Variants in SLC5A10 observed in about 807,000 individuals in gnomAD.
The protein encoded by SLC5A10 is solute carrier family 5 member 10, also known as sodium/mannose cotransporter SLC5A10.
SLC5A10 carries 55 observed loss-of-function variants against 68.9 expected under a neutral mutation model. The observed-to-expected ratio is 0.80, with a 90% CI of 0.64 to 1.00. The LOEUF (loss-of-function observed/expected upper bound fraction) is 1.00, where lower values mean the gene tolerates loss of function less well. SLC5A10 is among the 50% of genes least tolerant of loss of function. The probability of loss-of-function intolerance (pLI) is 0.00; values close to 1 mark genes in which losing one functional copy is unlikely to be tolerated. For synonymous variants in SLC5A10, 344 were observed against 344.8 expected (o/e 1.00, Z 0.02); for missense variants, 732 against 819.3 (o/e 0.89, Z 1.30).
chr17:19,019,365 G>C (rs1325622537), intron 11 of SLC5A10, 58 bp from the exon 12 acceptor site: 2 of 1,562,798 alleles, frequency 1.3e-6, no homozygotes, highest in Non-Finnish European at 1.7e-6. Context: ...CAGGGGAGGT[G>C]GGAGAGAGCT....
intron 13 of SLC5A10, 95 bp downstream of exon 13, chr17:19,020,023 C>T (rs1330994219): frequency 7.0e-7 from 1 of 1,433,854 alleles, no homozygotes; most frequent in South Asian, 1.2e-5. Flanking sequence ...AATTTTCTAG[C>T]CCTGGACTAC....
intron 11 of SLC5A10, chr17:19,019,038 T>G: frequency 4.0e-5 from 8 of 199,538 alleles, no homozygotes; most frequent in East Asian, 1.4e-4. Flanking sequence ...GGTGCTTCCA[T>G]TGGGAGGGGA....
Position 18,976,717 on chromosome 17 carries a change from G to A in SLC5A10, c.847-137G>A, listed in dbSNP as rs978219876. 18 of 1,160,046 alleles carry A rather than the reference G, an allele frequency of 1.6e-5. No homozygotes were observed. The Admixed American group carries it at 4.1e-4, about 26-fold the overall frequency. 71.9% of individuals were successfully genotyped at this position (1,160,046 alleles called of 1,614,324 possible). ...CCCTGACAGTATTGGGGCTTTGAGT[G>A]TGGCTGTTTTGGGCAGGTCAGAGGC... is the stretch of plus-strand genomic sequence containing the variant. On this transcript the variant is annotated intron_variant, in intron 8 of 14. Coordinates refer to ENST00000395645, the MANE Select transcript of SLC5A10 (RefSeq NM_001042450.4).
chr17:18,993,013 G>A (rs1027066790), intron 9 of SLC5A10, among the ~76,000 whole-genome samples: 9 of 152,238 alleles, frequency 5.9e-5, no homozygotes, highest in African/African-American at 2.2e-4. Context: ...GCCCTCGCAG[G>A]ACGAGTAGGT....
In SLC5A10 at chr17:18,977,729, C is replaced by A. The variant is rs758772623; in HGVS notation, c.982+740C>A. 2.5e-6 allele frequency: 4 copies of A among 1,607,548 alleles called. No homozygotes were observed. Among genetic ancestry groups the A allele is most frequent in the Non-Finnish European group, 3.4e-6 (4 of 1,177,814 alleles). On this transcript the variant is annotated intron_variant, in intron 9 of 14. Transcript: ENST00000395645. Reference sequence around the variant, plus strand: ...TATATGGGGGGCACTCAGCTGCCGGCGCGGTGGTGGGGTTGGCCCGTTGGC... The same window carrying A: ...TATATGGGGGGCACTCAGCTGCCGGAGCGGTGGTGGGGTTGGCCCGTTGGC...
In SLC5A10 at chr17:19,003,511, C is replaced by T. The variant is rs763070393; in HGVS notation, c.983-9899C>T. 6.6e-7 allele frequency: 1 copy of T among 1,521,410 alleles called. No homozygotes were observed. The highest frequency in any genetic ancestry group is 2.3e-5 in the East Asian group (1 of 43,668). The allele number at this position is 1,521,410 out of a possible 1,614,324, so 94.2% of individuals were successfully genotyped here. On this transcript the variant is annotated intron_variant, in intron 9 of 14. Transcript: ENST00000395645. This position sits in a 1 kb window ranked among gnomAD's most constrained non-coding sequence, Gnocchi z 4.5. Reference sequence around the variant, plus strand: ...GGCCATGGCTCCAGGAGTCCCCGCGCTGCCTCACCTTCTGTGCCTGGCTGA... The same window carrying T: ...GGCCATGGCTCCAGGAGTCCCCGCGTTGCCTCACCTTCTGTGCCTGGCTGA...
intron 9 of SLC5A10, chr17:18,978,737 A>G: frequency 6.2e-7 from 1 of 1,612,960 alleles, no homozygotes; most frequent in Non-Finnish European, 8.5e-7. Flanking sequence ...CTTGAGGCTC[A>G]CACTGTGTGA....
rs895711533 is a variant in SLC5A10 at position 18,971,840 on chromosome 17, G to A, written c.846+622G>A. On this transcript the variant is annotated intron_variant, in intron 8 of 14. Transcript: ENST00000395645. This position sits in a 1 kb window ranked among gnomAD's most constrained non-coding sequence, Gnocchi z 5.5. ...TGCTCAGGCACACAGGAGCCGGCAGGCCCGGGTTCGCCTCCTGGCTCTGCC... is the reference window on the plus strand; with the variant it reads ...TGCTCAGGCACACAGGAGCCGGCAGACCCGGGTTCGCCTCCTGGCTCTGCC... 3.0e-5 allele frequency: 42 copies of A among 1,381,842 alleles called. No individual in the cohort carries two copies. The Admixed American group carries it at 1.1e-3, about 35-fold the overall frequency. The allele number at this position is 1,381,842 out of a possible 1,614,324, so 85.6% of individuals were successfully genotyped here.
rs751551122 is a variant in SLC5A10 at position 19,019,505 on chromosome 17, T to C, written c.1324T>C (p.Tyr442His). 2.5e-6 allele frequency: 4 copies of C among 1,612,582 alleles called. No homozygotes were observed. The Admixed American group carries it at 6.7e-5, about 27-fold the overall frequency. The change falls in exon 12 of 15, where the codon TAC becomes CAC. Residue 442 changes from tyrosine (Y) to histidine (H), a missense_variant. Physicochemically the swap from Tyr to His is moderately conservative, Grantham distance 83. Transcript: ENST00000395645. ...CTCCAACAGCGGGCAACTCTTCATC[T>C]ACATGCAGTCAGTGACCAGCTCCCT... The part of the protein sequence containing the change: ...QDSNSGQLFI[Y>H]MQSVTSSLAP...
Position 19,015,083 on chromosome 17 carries a change from G to T in SLC5A10, c.1125G>T (p.Ala375=), listed in dbSNP as rs2074279. The T allele has an allele frequency of 6.2e-7, 1 of 1,613,814 alleles. No homozygotes were observed. Among genetic ancestry groups the T allele is most frequent in the Admixed American group, 1.7e-5 (1 of 60,008 alleles). Residue 375 remains alanine (A), a synonymous_variant, in exon 11 of 15, where the codon GCG becomes GCT. Transcript: ENST00000395645. Reference sequence around the variant, plus strand: ...GGCTGATGATCGCAGTGATGCTGGCGGCGCTCATGTCGTCGCTGACCTCCA... The same window carrying T: ...GGCTGATGATCGCAGTGATGCTGGCTGCGCTCATGTCGTCGCTGACCTCCA... The part of the protein sequence containing the change: ...LRGLMIAVML[A]ALMSSLTSIF...
chr17:19,021,876 T>C lies in SLC5A10; in HGVS notation c.*1445T>C, dbSNP rs530187066. 91 of 1,362,432 alleles carry C rather than the reference T, an allele frequency of 6.7e-5. 1 individual carries two copies. The Admixed American group carries it at 8.9e-4, about 13-fold the overall frequency. 84.4% of individuals were successfully genotyped at this position (1,362,432 alleles called of 1,614,324 possible). A position where few individuals can be genotyped will look rare whatever the true frequency, so the allele number is the denominator to read the frequency against. ...CCGTCCACTGAGCCCCGTGTGACTC[T>C]GACAGAGCTGGGGGTGTCCATGTCC... On this transcript the variant is annotated 3_prime_UTR_variant, in exon 15 of 15. Coordinates refer to ENST00000395645, the MANE Select transcript of SLC5A10 (RefSeq NM_001042450.4). The surrounding 1 kb of genome is among the most constrained non-coding windows in gnomAD (Gnocchi z 4.1).
chr17:19,006,684 C>T (rs764206725), intron 9 of SLC5A10, among the ~76,000 whole-genome samples: 9 of 152,306 alleles, frequency 5.9e-5, no homozygotes, highest in Admixed American at 1.3e-4. Flanking sequence ...CCCCACACCT[C>T]CCCCGACCAC....
At chr17:18,979,468 C>A in intron 9 of SLC5A10, 1 of 1,539,126 alleles carries the variant, frequency 6.5e-7, no homozygotes, top group Admixed American at 1.9e-5. Context: ...ACCGGAATAA[C>A]CAGGGTTAGG....
chr17:19,005,912 G>A (rs528978669), intron 9 of SLC5A10, among the ~76,000 whole-genome samples: 1 of 152,174 alleles, frequency 6.6e-6, no homozygotes, highest in Non-Finnish European at 1.5e-5. Context: ...TGATCCCAGC[G>A]GGGGAGCCCT....
At chr17:18,989,010 G>T (rs532980845) in intron 9 of SLC5A10, among the ~76,000 whole-genome samples, 2 of 152,194 alleles carry the variant, frequency 1.3e-5, no homozygotes, top group African/African-American at 2.4e-5. Flanking sequence ...GTATGGGCCC[G>T]GCCCCAGTGG....
chr17:18,999,095 C>T (rs1222421159), intron 9 of SLC5A10, among the ~76,000 whole-genome samples: 3 of 152,116 alleles, frequency 2.0e-5, no homozygotes, highest in Non-Finnish European at 4.4e-5. Context: ...CTGACCAATA[C>T]GGTGAAACCC....
chr17:18,978,643 GGCCACAGTGCCC>G, intron 9 of SLC5A10: 2 of 1,613,060 alleles, frequency 1.2e-6, no homozygotes, highest in South Asian at 2.2e-5. Flanking sequence ...CGAGCTTCTT[GGCCACAGTGCCC>G]GCGGGCACCA....
chr17:18,989,876 G>A (rs1424036316), intron 9 of SLC5A10, among the ~76,000 whole-genome samples: 1 of 152,170 alleles, frequency 6.6e-6, no homozygotes, highest in Non-Finnish European at 1.5e-5. Flanking sequence ...ACCTACCTCC[G>A]AGTCAGGTCA....
intron 1 of SLC5A10, among the ~76,000 whole-genome samples, chr17:18,957,923 T>C (rs188969370): frequency 4.6e-5 from 7 of 152,344 alleles, no homozygotes; most frequent in Admixed American, 6.5e-5. Flanking sequence ...ACTCATCTGC[T>C]TTCTGTCTCT....
Sources: allele counts gnomAD v4.1 joint callset (sites outside exome capture counted in the v4.1 genomes callset), GRCh38; gene constraint gnomAD v4.1.1; non-coding constraint Gnocchi (gnomAD v3.1); transcripts MANE v1.5; gene names NCBI Gene and HGNC (gene_info 2026-07-23, HGNC 2026-07-21).